Variants in NLK observed in about 807,000 individuals in gnomAD.
NLK encodes the protein serine/threonine-protein kinase NLK.
A neutral mutation model predicts 59.0 loss-of-function variants in NLK; 11 were observed. The ratio of observed to expected loss-of-function variants is 0.19; its 90% CI spans 0.12 to 0.31. The LOEUF is 0.31. Among genes scored for constraint, NLK ranks in the 10% least tolerant of loss-of-function variants. The probability of loss-of-function intolerance (pLI) is 1.00; values close to 1 mark genes in which losing one functional copy is unlikely to be tolerated. For synonymous variants in NLK, 235 were observed against 235.9 expected (o/e 1.00, Z 0.03); for missense variants, 410 against 661.1 (o/e 0.62, Z 4.16).
intron 3 of NLK, 51 bp from the exon 4 acceptor site, chr17:28,161,109 A>AG: frequency 1.0e-6 from 1 of 960,662 alleles, no homozygotes. Flanking sequence ...CACCACTTTG[A>AG]GGGGGTAGGG....
intron 1 of NLK, among the ~76,000 whole-genome samples, chr17:28,090,122 A>G (rs978085470): frequency 6.6e-6 from 1 of 152,162 alleles, no homozygotes; most frequent in Admixed American, 6.5e-5. Flanking sequence ...ACTGTTTGCT[A>G]TATTATTTTA....
chr17:28,129,818 A>C (rs1219122290), intron 2 of NLK, among the ~76,000 whole-genome samples: 2 of 152,188 alleles, frequency 1.3e-5, no homozygotes, highest in Non-Finnish European at 2.9e-5. Context: ...GATTATTCAC[A>C]GGAATTATTT....
At chr17:28,138,509 G>A (rs977032154) in intron 3 of NLK, among the ~76,000 whole-genome samples, 1 of 152,204 alleles carries the variant, frequency 6.6e-6, no homozygotes, top group Non-Finnish European at 1.5e-5. Context: ...CATAAAGACA[G>A]TGAGGAAACC....
At chr17:28,130,887 A>G (rs1698964890) in intron 2 of NLK, among the ~76,000 whole-genome samples, 1 of 152,204 alleles carries the variant, frequency 6.6e-6, no homozygotes. Context: ...GGTTTAAAAA[A>G]TATATAGAAA....
chr17:28,134,404 G>A (rs781329962), intron 3 of NLK, among the ~76,000 whole-genome samples: 2 of 151,552 alleles, frequency 1.3e-5, no homozygotes, highest in Middle Eastern at 3.2e-3. Flanking sequence ...TCGCCCTCCC[G>A]CCAAAAAAAA....
intron 1 of NLK, among the ~76,000 whole-genome samples, chr17:28,058,818 G>T (rs1407156941): frequency 6.6e-6 from 1 of 152,142 alleles, no homozygotes; most frequent in Non-Finnish European, 1.5e-5. Context: ...ATGTGATGGT[G>T]ACTCTGAAAG....
At chr17:28,074,643 A>G (rs1304504199) in intron 1 of NLK, among the ~76,000 whole-genome samples, 1 of 152,184 alleles carries the variant, frequency 6.6e-6, no homozygotes, top group African/African-American at 2.4e-5. Flanking sequence ...AAAGAGATCT[A>G]AGGGCCTTTA....
At chr17:28,141,047 G>C (rs926735632) in intron 3 of NLK, among the ~76,000 whole-genome samples, 1 of 152,114 alleles carries the variant, frequency 6.6e-6, no homozygotes, top group Non-Finnish European at 1.5e-5. Context: ...ATATGAAACA[G>C]TGCTAATAGA....
chr17:28,102,754 CA>C (rs1904946922), intron 1 of NLK, among the ~76,000 whole-genome samples: 1 of 152,002 alleles, frequency 6.6e-6, no homozygotes, highest in African/African-American at 2.4e-5. Flanking sequence ...AGAAATTTGG[CA>C]GACTTAGAAA....
At chr17:28,143,969 C>G (rs1476330437) in intron 3 of NLK, among the ~76,000 whole-genome samples, 1 of 152,220 alleles carries the variant, frequency 6.6e-6, no homozygotes, top group African/African-American at 2.4e-5. Context: ...TTTGTAAATT[C>G]TCCCAGTTCT....
At chr17:28,045,938 C>T (rs925274626) in intron 1 of NLK, among the ~76,000 whole-genome samples, 3 of 152,124 alleles carry the variant, frequency 2.0e-5, no homozygotes, top group African/African-American at 4.8e-5. Flanking sequence ...TGATTGAAAC[C>T]GCCATGTAAC....
intron 5 of NLK, among the ~76,000 whole-genome samples, chr17:28,164,369 CAAA>C (rs962344405): frequency 1.1e-4 from 7 of 61,396 alleles, no homozygotes; most frequent in Middle Eastern, 7.8e-3. Flanking sequence ...GACCCTGTCT[CAAA>C]AAAAAAAAAA....
intron 9 of NLK, 35 bp downstream of exon 9, chr17:28,191,254 T>C: frequency 6.6e-7 from 1 of 1,513,214 alleles, no homozygotes; most frequent in Middle Eastern, 1.8e-4. Context: ...CCAGGCAATA[T>C]GCCTAGTAAC....
intron 3 of NLK, among the ~76,000 whole-genome samples, chr17:28,157,406 G>A (rs370931605): frequency 5.3e-5 from 8 of 151,990 alleles, no homozygotes; most frequent in South Asian, 2.1e-4. Flanking sequence ...GGCCAGGCTC[G>A]TCTCAAACTT....
At chr17:28,151,234 G>T (rs1907467587) in intron 3 of NLK, among the ~76,000 whole-genome samples, 1 of 152,154 alleles carries the variant, frequency 6.6e-6, no homozygotes, top group Non-Finnish European at 1.5e-5. Flanking sequence ...AGACATCTGG[G>T]AGACATTATG....
chr17:28,062,478 A>G (rs1368060694), intron 1 of NLK, among the ~76,000 whole-genome samples: 1 of 152,252 alleles, frequency 6.6e-6, no homozygotes, highest in Non-Finnish European at 1.5e-5. Context: ...TTAAGAAAAC[A>G]TTTTTAAAAT....
intron 1 of NLK, among the ~76,000 whole-genome samples, chr17:28,079,108 A>G (rs749220035): frequency 2.0e-5 from 3 of 152,226 alleles, no homozygotes; most frequent in Non-Finnish European, 4.4e-5. Flanking sequence ...AGATACCTAA[A>G]TAAGTGGAAT....
intron 2 of NLK, among the ~76,000 whole-genome samples, chr17:28,127,870 G>A (rs1268658553): frequency 1.3e-5 from 2 of 152,110 alleles, no homozygotes; most frequent in African/African-American, 4.8e-5. Context: ...AATCCCAGGA[G>A]CAACAGAAGG....
chr17:28,051,608 C>T (rs1014528911), intron 1 of NLK, among the ~76,000 whole-genome samples: 8 of 151,170 alleles, frequency 5.3e-5, no homozygotes, highest in African/African-American at 1.7e-4. Flanking sequence ...CGGCCTGCCT[C>T]GGCCTCCCAA....
Sources: gnomAD v4.1 joint callset for allele counts (sites outside exome capture counted in the v4.1 genomes callset) on GRCh38, gnomAD v4.1.1 for gene constraint, MANE v1.5 for transcripts, NCBI Gene and HGNC (gene_info 2026-07-23, HGNC 2026-07-21) for gene names.